Variants in TMEM237 observed in about 807,000 individuals in gnomAD.
The protein encoded by TMEM237 is amyotrophic lateral sclerosis 2 (juvenile) chromosome region, candidate 4.
In TMEM237, 51 loss-of-function variants were observed where a neutral mutation model predicts 59.1. The ratio of observed to expected loss-of-function variants is 0.86; its 90% CI spans 0.69 to 1.09. The LOEUF (loss-of-function observed/expected upper bound fraction) is 1.09, where lower values mean the gene tolerates loss of function less well. TMEM237 is among the 50% of genes least tolerant of loss of function. The probability of loss-of-function intolerance (pLI) is 0.00; values close to 1 mark genes in which losing one functional copy is unlikely to be tolerated. For synonymous variants in TMEM237, 140 were observed against 166.1 expected (o/e 0.84, Z 1.21); for missense variants, 475 against 478.3 (o/e 0.99, Z 0.06).
chr2:201,642,649 G>C, intron 1 of TMEM237: 2 of 1,607,768 alleles, frequency 1.2e-6, no homozygotes, highest in Non-Finnish European at 8.5e-7. Flanking sequence ...CGGCCTCGGC[G>C]GCCGCCGGCC....
chr2:201,643,274 G>GGCCCCCCCCCCCCCCCCC lies in TMEM237; in HGVS notation c.42+84_42+85insGGGGGGGGGGGGGGGGGC. 1.5e-5 allele frequency: 18 copies of GGCCCCCCCCCCCCCCCCC among 1,206,714 alleles called. No individual in the cohort carries two copies. Among genetic ancestry groups the GGCCCCCCCCCCCCCCCCC allele is most frequent in the Non-Finnish European group, 1.9e-5 (16 of 849,286 alleles). 74.8% of individuals were successfully genotyped at this position (1,206,714 alleles called of 1,614,324 possible). On this transcript the variant is annotated intron_variant, in intron 1 of 12. Coordinates refer to ENST00000409883, the MANE Select transcript of TMEM237 (RefSeq NM_001044385.3). The surrounding 1 kb of genome is among the most constrained non-coding windows in gnomAD (Gnocchi z 4.3). ...CCTTAGTGATTCCCAGCTCGTTGGC[G>GGCCCCCCCCCCCCCCCCC]CCCCCCCACACACACCCACCCCCAC...
intron 1 of TMEM237, among the ~76,000 whole-genome samples, chr2:201,642,338 A>G (rs958005596): frequency 3.3e-5 from 5 of 152,224 alleles, no homozygotes; most frequent in Non-Finnish European, 7.3e-5. Flanking sequence ...CAAGTACTAC[A>G]AGATTAGGAC....
chr2:201,632,562 T>C (rs1396401127), intron 6 of TMEM237, among the ~76,000 whole-genome samples: 1 of 152,214 alleles, frequency 6.6e-6, no homozygotes, highest in Non-Finnish European at 1.5e-5. Flanking sequence ...GTTCTGGTGA[T>C]AGTGAGTTCT....
rs1957709700 is a variant in TMEM237, at chr2:201,621,705, T to C, written c.*2550A>G. On this transcript the variant is annotated 3_prime_UTR_variant, in exon 13 of 13. Coordinates refer to ENST00000409883, the MANE Select transcript of TMEM237 (RefSeq NM_001044385.3). Reference sequence around the variant, plus strand: ...TCTGATCAGCAAGGTGCCCCTGTGTTATCTACCCAGTGCAGTGCTTCACCA... The same window carrying C: ...TCTGATCAGCAAGGTGCCCCTGTGTCATCTACCCAGTGCAGTGCTTCACCA... 1 of 152,632 alleles carries C rather than the reference T, an allele frequency of 6.6e-6. No individual in the cohort carries two copies. Among genetic ancestry groups the C allele is most frequent in the Non-Finnish European group, 1.5e-5 (1 of 68,040 alleles). The allele number at this position is 152,632 out of a possible 1,614,324, so 9.5% of individuals were successfully genotyped here.
Position 201,640,256 on chromosome 2 carries a change from C to G in TMEM237, c.79+5G>C, listed in dbSNP as rs1687387467. 1 of 1,552,464 alleles carries G rather than the reference C, an allele frequency of 6.4e-7. No homozygotes were observed. Among genetic ancestry groups the G allele is most frequent in the Non-Finnish European group, 8.6e-7 (1 of 1,160,172 alleles). The stretch of plus-strand genomic sequence containing the variant: ...AAATATTATATTTACATTAAACTAA[C>G]TCACCTTGACTAACACGTCATATAA... On this transcript the variant is annotated splice_donor_5th_base_variant and intron_variant, in intron 3 of 12. Coordinates refer to ENST00000409883, the MANE Select transcript of TMEM237 (RefSeq NM_001044385.3).
Position 201,623,028 on chromosome 2 carries a change from A to C in TMEM237, c.*1227T>G, listed in dbSNP as rs1471406910. 5.9e-6 allele frequency: 1 copy of C among 169,108 alleles called. No homozygotes were observed. The highest frequency in any genetic ancestry group is 1.3e-5 in the Non-Finnish European group (1 of 76,544). The allele number at this position is 169,108 out of a possible 1,614,324, so 10.5% of individuals were successfully genotyped here. A position where few individuals can be genotyped will look rare whatever the true frequency, so the allele number is the denominator to read the frequency against. On this transcript the variant is annotated 3_prime_UTR_variant, in exon 13 of 13. Transcript: ENST00000409883. ...CAGGATGCCTTCAGAATTGCCAGCA[A>C]ATTCACAATTCTGTGACAGCAGGGA...
At chr2:201,641,086 G>C (rs1413581348) in intron 1 of TMEM237, among the ~76,000 whole-genome samples, 162 bp from the exon 2 acceptor site, 1 of 152,008 alleles carries the variant, frequency 6.6e-6, no homozygotes, top group Non-Finnish European at 1.5e-5. Context: ...CCATCTCCTG[G>C]GTTCAAGCAA....
Position 201,643,318 on chromosome 2 carries a change from AC to A in TMEM237, c.42+40del. 1 of 1,449,948 alleles carries A rather than the reference AC, an allele frequency of 6.9e-7. No homozygotes were observed. Among genetic ancestry groups the A allele is most frequent in the Non-Finnish European group, 9.3e-7 (1 of 1,076,244 alleles). The allele number at this position is 1,449,948 out of a possible 1,614,324, so 89.8% of individuals were successfully genotyped here. On this transcript the variant is annotated intron_variant, in intron 1 of 12. Transcript: ENST00000409883. The surrounding 1 kb of genome is among the most constrained non-coding windows in gnomAD (Gnocchi z 4.3). ...CCCCCACTGCCAAGTGTAGCTGTTT[AC>A]CCGCCACCTCTCGAGGCCGACGCGC...
chr2:201,639,614 G>A (rs1687372271), intron 3 of TMEM237, among the ~76,000 whole-genome samples: 1 of 152,166 alleles, frequency 6.6e-6, no homozygotes, highest in Admixed American at 6.5e-5. Context: ...TGGCCAACAT[G>A]GCAAAACCCT....
chr2:201,639,621 C>A (rs1687372427), intron 3 of TMEM237, among the ~76,000 whole-genome samples: 1 of 152,182 alleles, frequency 6.6e-6, no homozygotes, highest in Non-Finnish European at 1.5e-5. Flanking sequence ...CATGGCAAAA[C>A]CCTGTCTCTA....
intron 4 of TMEM237, among the ~76,000 whole-genome samples, chr2:201,637,146 G>C (rs1426545934): frequency 6.6e-6 from 1 of 152,196 alleles, no homozygotes; most frequent in African/African-American, 2.4e-5. Context: ...ACAGGAGGAG[G>C]AGAAATTGCT....
At chr2:201,636,618 T>C (rs895417186) in intron 5 of TMEM237, 130 bp downstream of exon 5, 4 of 1,038,632 alleles carry the variant, frequency 3.9e-6, no homozygotes, top group Non-Finnish European at 5.5e-6. Context: ...GTGGTAAATA[T>C]TTTAAACATA....
At position 201,643,283 on chromosome 2, in the gene TMEM237, CA is replaced by C; in HGVS notation, c.42+75del. On this transcript the variant is annotated intron_variant, in intron 1 of 12. Coordinates refer to ENST00000409883, the MANE Select transcript of TMEM237 (RefSeq NM_001044385.3). The surrounding 1 kb of genome is among the most constrained non-coding windows in gnomAD (Gnocchi z 4.3). ...TTCCCAGCTCGTTGGCGCCCCCCCA[CA>C]CACACCCACCCCCACTGCCAAGTGT... 6 of 1,378,858 alleles carry C rather than the reference CA, an allele frequency of 4.4e-6. No homozygotes were observed. The highest frequency in any genetic ancestry group is 2.0e-5 in the Admixed American group (1 of 48,864). The allele number at this position is 1,378,858 out of a possible 1,614,324, so 85.4% of individuals were successfully genotyped here.
chr2:201,629,197 G>A (rs997825313), intron 9 of TMEM237, 33 bp downstream of exon 9: 2 of 1,434,158 alleles, frequency 1.4e-6, no homozygotes, highest in Non-Finnish European at 9.2e-7. Context: ...TCCTCCTGAA[G>A]AAGTTAGACA....
intron 5 of TMEM237, 188 bp downstream of exon 5, chr2:201,636,560 A>G (rs1687299793): frequency 3.2e-6 from 2 of 630,254 alleles, no homozygotes; most frequent in African/African-American, 1.8e-5. Flanking sequence ...TATATGATCA[A>G]AAGAGACCTG....
chr2:201,633,546 T>C, intron 5 of TMEM237, 115 bp from the exon 6 acceptor site: 1 of 764,650 alleles, frequency 1.3e-6, no homozygotes, highest in Non-Finnish European at 1.8e-6. Flanking sequence ...CAAAAATGTT[T>C]TCACTATCTT....
chr2:201,631,727 G>T (rs1256073955), intron 7 of TMEM237, among the ~76,000 whole-genome samples: 2 of 152,212 alleles, frequency 1.3e-5, no homozygotes, highest in African/African-American at 4.8e-5. Flanking sequence ...CAAACTGTGT[G>T]TGTGTGTGTG....
At chr2:201,634,876 A>G (rs1302125778) in intron 5 of TMEM237, 1 of 452,578 alleles carries the variant, frequency 2.2e-6, no homozygotes, top group Non-Finnish European at 4.6e-6. Context: ...CTTCCATCCA[A>G]TCAAGACACG....
rs538801640 is a variant in TMEM237, at chr2:201,643,034, A to C, written c.42+325T>G. On this transcript the variant is annotated intron_variant, in intron 1 of 12. Transcript: ENST00000409883. The surrounding 1 kb of genome is among the most constrained non-coding windows in gnomAD (Gnocchi z 4.3). ...TACAGACCTCTCCTCGGAGGAGTCT[A>C]GGAGAGGCCTGGCTGGAAGCCCCGG... 1.6e-6 allele frequency: 2 copies of C among 1,283,842 alleles called. No homozygotes were observed. Among genetic ancestry groups the C allele is most frequent in the African/African-American group, 1.6e-5 (1 of 63,728 alleles). 79.5% of individuals were successfully genotyped at this position (1,283,842 alleles called of 1,614,324 possible).
Sources: gnomAD v4.1 joint callset for allele counts (sites outside exome capture counted in the v4.1 genomes callset) on GRCh38, gnomAD v4.1.1 for gene constraint, Gnocchi (gnomAD v3.1) non-coding constraint, MANE v1.5 for transcripts, NCBI Gene and HGNC (gene_info 2026-07-23, HGNC 2026-07-21) for gene names.